Variants in MME observed in about 807,000 individuals in gnomAD.
MME encodes the protein neprilysin.
In MME, 98 loss-of-function variants were observed where a neutral mutation model predicts 113.2. The observed-to-expected ratio is 0.87, with a 90% CI of 0.74 to 1.02. The LOEUF (loss-of-function observed/expected upper bound fraction) is 1.02, where lower values mean the gene tolerates loss of function less well. Ranked by LOEUF, MME falls within the 50% of genes least tolerant of loss-of-function variation. The probability of loss-of-function intolerance (pLI) is 0.00; values close to 1 mark genes in which losing one functional copy is unlikely to be tolerated. For synonymous variants in MME, 292 were observed against 300.6 expected, an observed-to-expected ratio of 0.97 and a Z score of 0.30; for missense variants, 836 against 896.0, an observed-to-expected ratio of 0.93 and a Z score of 0.86.
chr3:155,058,329 T>C (rs1257172360), intron 1 of MME, among the ~76,000 whole-genome samples: 2 of 152,160 alleles, frequency 1.3e-5, no homozygotes, highest in African/African-American at 4.8e-5. Context: ...GCAATGACAG[T>C]GTCCTATTTA....
rs566080240 is a variant in MME at position 155,145,514 on chromosome 3, G to A, written c.1416+1057G>A. On this transcript the variant is annotated intron_variant, in intron 14 of 22. Coordinates refer to ENST00000360490, the MANE Select transcript of MME (RefSeq NM_007289.4). ...AAGCTCTTTATGGTTGGGGGCAGGG[G>A]GGCAGAAAATACTGCCTAGCATTAT... is the stretch of plus-strand genomic sequence containing the variant. Among the ~76,000 whole-genome samples the A allele has an allele frequency of 3.4e-4, 51 of 152,088 alleles. 1 individual carries two copies. In the East Asian group the frequency reaches 8.1e-3, roughly 24 times the overall value.
intron 8 of MME, among the ~76,000 whole-genome samples, chr3:155,126,845 C>G (rs1719707004): frequency 6.6e-6 from 1 of 151,724 alleles, no homozygotes; most frequent in Non-Finnish European, 1.5e-5. Flanking sequence ...ACTAAAAATA[C>G]AAAATTAGCC....
At chr3:155,107,712 A>G (rs928478423) in intron 3 of MME, among the ~76,000 whole-genome samples, 1 of 152,208 alleles carries the variant, frequency 6.6e-6, no homozygotes, top group African/African-American at 2.4e-5. Flanking sequence ...TCTCACAGTC[A>G]TTTACAGACA....
At chr3:155,038,840 C>T (rs1210581630) in intron 1 of MME, among the ~76,000 whole-genome samples, 1 of 152,140 alleles carries the variant, frequency 6.6e-6, no homozygotes, top group Non-Finnish European at 1.5e-5. Flanking sequence ...TACGGCCTCT[C>T]TTTTGAATAT....
At chr3:155,126,845 CAAA>C (rs1719707187) in intron 8 of MME, among the ~76,000 whole-genome samples, 1 of 151,724 alleles carries the variant, frequency 6.6e-6, no homozygotes, top group Admixed American at 6.6e-5. Flanking sequence ...ACTAAAAATA[CAAA>C]ATTAGCCGGG....
At chr3:155,101,276 T>C (rs1011213040) in intron 3 of MME, among the ~76,000 whole-genome samples, 2 of 152,228 alleles carry the variant, frequency 1.3e-5, no homozygotes, top group African/African-American at 4.8e-5. Context: ...CATTTCTTTA[T>C]GGCATTGCAA....
intron 3 of MME, among the ~76,000 whole-genome samples, chr3:155,104,892 C>G (rs1717562955): frequency 1.3e-5 from 2 of 152,270 alleles, no homozygotes; most frequent in African/African-American, 4.8e-5. Flanking sequence ...TCCCTAATAG[C>G]TTTTTGCCAG....
At chr3:155,119,047 T>C (rs1447293455) in intron 8 of MME, among the ~76,000 whole-genome samples, 2 of 152,214 alleles carry the variant, frequency 1.3e-5, no homozygotes, top group Admixed American at 1.3e-4. Flanking sequence ...TGTATCTTGG[T>C]TTTTAGTATT....
chr3:155,057,823 G>A (rs79794278), intron 1 of MME, among the ~76,000 whole-genome samples: 6,602 of 152,046 alleles, frequency 0.043, 157 homozygotes, highest in African/African-American at 0.052. Flanking sequence ...AGGATGAATG[G>A]AGGAGGAAAT....
chr3:155,158,660 C>G (rs551593506), intron 16 of MME: 1 of 152,112 alleles, frequency 6.6e-6, no homozygotes, highest in Non-Finnish European at 1.5e-5. Context: ...TCTATTTGTT[C>G]TACATCGTTT....
At chr3:155,044,612 C>T (rs1347608104) in intron 1 of MME, among the ~76,000 whole-genome samples, 3 of 151,980 alleles carry the variant, frequency 2.0e-5, no homozygotes, top group South Asian at 4.1e-4. Context: ...TTCTGCCTCC[C>T]GGGTTCAAGC....
chr3:155,142,587 A>G (rs910809587), intron 12 of MME, among the ~76,000 whole-genome samples: 1 of 152,156 alleles, frequency 6.6e-6, no homozygotes, highest in Non-Finnish European at 1.5e-5. Flanking sequence ...TAACCAGTTC[A>G]TGAAAGAATA....
At chr3:155,173,572 G>GTCA (rs71624560) in intron 22 of MME, among the ~76,000 whole-genome samples, 13,997 of 149,926 alleles carry the variant, frequency 0.093, 792 homozygotes, top group South Asian at 0.16. Flanking sequence ...TATCATCGTT[G>GTCA]TCATCATCAT....
chr3:155,077,341 A>AT (rs1254998993), upstream of MME, among the ~76,000 whole-genome samples: 2 of 152,188 alleles, frequency 1.3e-5, no homozygotes, highest in African/African-American at 4.8e-5. Flanking sequence ...TAACTTATGT[A>AT]TGGCCACCAG....
chr3:155,176,844 A>G (rs532485231), intron 22 of MME, among the ~76,000 whole-genome samples: 7 of 152,230 alleles, frequency 4.6e-5, no homozygotes, highest in Non-Finnish European at 8.8e-5. Context: ...TAGATGATCT[A>G]TTCAAAGATT....
At chr3:155,131,792 T>C (rs562094326) in intron 8 of MME, among the ~76,000 whole-genome samples, 7 of 152,328 alleles carry the variant, frequency 4.6e-5, no homozygotes, top group African/African-American at 1.7e-4. Flanking sequence ...TGTGACTATA[T>C]GTTTGCAGTC....
At chr3:155,065,565 G>A (rs1383432838) in intron 1 of MME, among the ~76,000 whole-genome samples, 1 of 152,140 alleles carries the variant, frequency 6.6e-6, no homozygotes, top group Non-Finnish European at 1.5e-5. Context: ...AACTTTTCTT[G>A]AAATCTATAT....
At chr3:155,055,309 T>C (rs1713887881) in intron 1 of MME, among the ~76,000 whole-genome samples, 2 of 152,150 alleles carry the variant, frequency 1.3e-5, no homozygotes, top group South Asian at 2.1e-4. Flanking sequence ...AAAAAATCTA[T>C]TGTATTGACC....
chr3:155,180,428 T>A lies in MME; in HGVS notation c.2222T>A (p.Met741Lys), dbSNP rs199855961. 3.7e-6 allele frequency: 6 copies of A among 1,613,434 alleles called. No homozygotes were observed. Among genetic ancestry groups the A allele is most frequent in the Non-Finnish European group, 5.1e-6 (6 of 1,179,578 alleles). The stretch of plus-strand genomic sequence containing the variant: ...TTTCACTGCCGCAAGAATTCATACA[T>A]GAATCCAGAAAAGAAGTGCCGGGTT... ...EAFHCRKNSY[M>K]NPEKKCRVW Residue 741 changes from methionine (M) to lysine (K), a missense_variant, in exon 23 of 23, where the codon ATG becomes AAG. Coordinates refer to ENST00000360490, the MANE Select transcript of MME (RefSeq NM_007289.4).
Sources: gnomAD v4.1 joint callset for allele counts (sites outside exome capture counted in the v4.1 genomes callset) on GRCh38, gnomAD v4.1.1 for gene constraint, MANE v1.5 for transcripts, NCBI Gene and HGNC (gene_info 2026-07-23, HGNC 2026-07-21) for gene names.